SYTL3: variants seen among roughly 807,000 people sequenced by gnomAD.
The protein encoded by SYTL3 is synaptotagmin-like protein 3.
In SYTL3, 88 loss-of-function variants were observed where a neutral mutation model predicts 82.1. The ratio of observed to expected loss-of-function variants is 1.07; its 90% CI spans 0.90 to 1.28. SYTL3 has a LOEUF of 1.28. SYTL3 is among the 50% of genes most tolerant of loss of function. SYTL3 has a pLI of 0.00. For synonymous variants in SYTL3, 311 were observed against 289.4 expected (o/e 1.07, Z -0.76); for missense variants, 831 against 757.6 (o/e 1.10, Z -1.14).
intron 6 of SYTL3, among the ~76,000 whole-genome samples, chr6:158,703,832 A>ATTATTG (rs1438278752): frequency 2.0e-5 from 3 of 147,912 alleles, no homozygotes; most frequent in South Asian, 2.1e-4. Flanking sequence ...CATTATTATT[A>ATTATTG]TTATTATTAT....
chr6:158,750,698 C>T (rs77304698), intron 12 of SYTL3, among the ~76,000 whole-genome samples: 1 of 152,004 alleles, frequency 6.6e-6, no homozygotes, highest in Non-Finnish European at 1.5e-5. Flanking sequence ...TTAAATTTTT[C>T]GTGGAGATGA....
chr6:158,697,151 T>G (rs1466712082), intron 6 of SYTL3, among the ~76,000 whole-genome samples: 1 of 151,198 alleles, frequency 6.6e-6, no homozygotes, highest in Non-Finnish European at 1.5e-5. Context: ...TAGAATAAAA[T>G]GGGGAAGCTG....
chr6:158,665,750 AC>A, intron 5 of SYTL3, 137 bp downstream of exon 5: 1 of 590,150 alleles, frequency 1.7e-6, no homozygotes, highest in Non-Finnish European at 3.0e-6. Context: ...ATAGGGAGCT[AC>A]CTTTCTAGCC....
chr6:158,646,466 G>A (rs1787468401), upstream of SYTL3, among the ~76,000 whole-genome samples: 1 of 152,156 alleles, frequency 6.6e-6, no homozygotes. Flanking sequence ...CACCATGCCC[G>A]GCCTAAAATT....
chr6:158,681,085 G>A (rs936315753), intron 5 of SYTL3, among the ~76,000 whole-genome samples: 9 of 152,218 alleles, frequency 5.9e-5, no homozygotes, highest in Non-Finnish European at 1.0e-4. Flanking sequence ...AAGAGAATCA[G>A]TCATGAGTTG....
At chr6:158,713,303 C>G (rs990254124) in intron 8 of SYTL3, among the ~76,000 whole-genome samples, 2 of 151,950 alleles carry the variant, frequency 1.3e-5, no homozygotes, top group African/African-American at 4.8e-5. Flanking sequence ...GTTGTTTTAT[C>G]TTTTTTTTCT....
At position 158,718,158 on chromosome 6, in the gene SYTL3, GGACA is replaced by G. The variant is rs929633442; in HGVS notation, c.674_677del (p.Thr225ArgfsTer23). The G allele has an allele frequency of 3.9e-6, 6 of 1,545,810 alleles. No homozygotes were observed. Among genetic ancestry groups the G allele is most frequent in the East Asian group, 4.9e-5 (2 of 40,448 alleles). On this transcript the variant is annotated frameshift_variant, in exon 10 of 18. Transcript: ENST00000611299. LOFTEE classifies it high-confidence loss of function. ...CGCCACGGGCCCCAGGCAGTGTGTG[GGACA>G]GACAGAGAGACGGAGCCAGTCTGAC...
chr6:158,760,135 G>A (rs974302817), intron 14 of SYTL3, among the ~76,000 whole-genome samples: 14 of 152,028 alleles, frequency 9.2e-5, no homozygotes, highest in Non-Finnish European at 1.9e-4. Context: ...TGCCTCGGTG[G>A]GCAGGGAGGT....
intron 5 of SYTL3, among the ~76,000 whole-genome samples, chr6:158,672,351 T>G (rs1378761038): frequency 1.3e-5 from 2 of 152,170 alleles, no homozygotes; most frequent in Non-Finnish European, 2.9e-5. Context: ...CATTGCGTAT[T>G]TGAGAGTTGC....
chr6:158,659,539 G>A lies in SYTL3; in HGVS notation c.-636-1730G>A, dbSNP rs142373177. 5.3e-5 allele frequency among the ~76,000 whole-genome samples: 8 copies of A among 152,232 alleles called. No individual in the cohort carries two copies. In the East Asian group the frequency reaches 1.5e-3, roughly 29 times the overall value. The stretch of plus-strand genomic sequence containing the variant: ...CCTGGCTAATTTTGTATTTTTAGTA[G>A]AGACAGGGTTTCACCATGTTGGTCA... On this transcript the variant is annotated intron_variant, in intron 2 of 17. Coordinates refer to ENST00000611299, the MANE Select transcript of SYTL3 (RefSeq NM_001242394.2).
At chr6:158,724,179 G>A (rs1008099651) in intron 10 of SYTL3, among the ~76,000 whole-genome samples, 16 of 152,150 alleles carry the variant, frequency 1.1e-4, no homozygotes, top group Admixed American at 5.2e-4. Context: ...GAGGATGGAC[G>A]TTTCATCTTC....
At chr6:158,702,874 G>A (rs1781478053) in intron 6 of SYTL3, among the ~76,000 whole-genome samples, 1 of 152,054 alleles carries the variant, frequency 6.6e-6, no homozygotes, top group Non-Finnish European at 1.5e-5. Context: ...AAAATTGGGG[G>A]CCTGGCACAG....
intron 12 of SYTL3, among the ~76,000 whole-genome samples, chr6:158,746,700 G>A (rs1031541775): frequency 1.4e-4 from 21 of 151,426 alleles, no homozygotes; most frequent in Admixed American, 2.0e-4. Flanking sequence ...TCCTGACCTC[G>A]TGATCCACCC....
chr6:158,761,747 C>T (rs747900172), intron 15 of SYTL3, among the ~76,000 whole-genome samples: 1 of 152,250 alleles, frequency 6.6e-6, no homozygotes, highest in Non-Finnish European at 1.5e-5. Context: ...GACAGGGTCT[C>T]GGGGCTCTCA....
intron 12 of SYTL3, among the ~76,000 whole-genome samples, chr6:158,746,028 G>A (rs550492174): frequency 3.8e-4 from 58 of 152,262 alleles, no homozygotes; most frequent in Non-Finnish European, 4.4e-5. Context: ...CAAGGTGCTG[G>A]TAGATTTGGT....
intron 14 of SYTL3, 114 bp from the exon 15 acceptor site, chr6:158,760,526 C>A: frequency 1.2e-6 from 1 of 842,490 alleles, no homozygotes; most frequent in Non-Finnish European, 2.0e-6. Context: ...CCACCCAGGG[C>A]CTTGCAGGGG....
chr6:158,712,279 T>C (rs774519576), intron 8 of SYTL3, among the ~76,000 whole-genome samples: 3 of 152,168 alleles, frequency 2.0e-5, no homozygotes, highest in Non-Finnish European at 4.4e-5. Context: ...CTGCCAATAT[T>C]GAGGGCAGAT....
chr6:158,729,903 G>C (rs1785198133), intron 11 of SYTL3, among the ~76,000 whole-genome samples: 1 of 151,726 alleles, frequency 6.6e-6, no homozygotes, highest in African/African-American at 2.4e-5. Flanking sequence ...TTTTGTTAAA[G>C]GATAATAATA....
At chr6:158,743,908 GTATTGTT>G (rs1015329270) in intron 11 of SYTL3, among the ~76,000 whole-genome samples, 2 of 151,964 alleles carry the variant, frequency 1.3e-5, no homozygotes, top group African/African-American at 2.4e-5. Flanking sequence ...TGACTTGTTG[GTATTGTT>G]TATTGTTTGT....
Sources: allele counts gnomAD v4.1 joint callset (sites outside exome capture counted in the v4.1 genomes callset), GRCh38; gene constraint gnomAD v4.1.1; transcripts MANE v1.5; gene names NCBI Gene and HGNC (gene_info 2026-07-23, HGNC 2026-07-21).